The following DGKB variants were observed in gnomAD, a reference collection of about 807,000 sequenced individuals.
DGKB encodes diacylglycerol kinase beta, also known as 90 kDa diacylglycerol kinase.
In DGKB, 67 loss-of-function variants were observed where a neutral mutation model predicts 114.3. The observed-to-expected ratio is 0.59, with a 90% confidence interval of 0.48 to 0.72. The LOEUF (loss-of-function observed/expected upper bound fraction) is 0.72, where lower values mean the gene tolerates loss of function less well. Ranked by LOEUF, DGKB falls within the 30% of genes least tolerant of loss-of-function variation. DGKB has a pLI of 0.00. For missense variants in DGKB, 907 were observed against 975.2 expected (o/e 0.93, Z 0.93); for synonymous variants, 398 against 323.1 (o/e 1.23, Z -2.49).
chr7:14,674,696 A>G (rs1819556573), intron 12 of DGKB, among the ~76,000 whole-genome samples: 1 of 152,114 alleles, frequency 6.6e-6, no homozygotes. Context: ...GAATCTGGAC[A>G]GAGAGACAAC....
intron 25 of DGKB, among the ~76,000 whole-genome samples, chr7:14,154,953 T>A (rs1007580163): frequency 6.6e-6 from 1 of 152,026 alleles, no homozygotes; most frequent in Non-Finnish European, 1.5e-5. Flanking sequence ...AGTGTTTTAG[T>A]TCTCCAAATG....
intron 1 of DGKB, among the ~76,000 whole-genome samples, chr7:14,879,378 T>G (rs555659418): frequency 6.7e-6 from 1 of 149,574 alleles, no homozygotes; most frequent in Non-Finnish European, 1.5e-5. Flanking sequence ...TGAACGACTG[T>G]TTCTATCACT....
At chr7:14,387,194 T>C (rs1300192553) in intron 21 of DGKB, among the ~76,000 whole-genome samples, 5 of 151,872 alleles carry the variant, frequency 3.3e-5, no homozygotes, top group Non-Finnish European at 7.4e-5. Flanking sequence ...GAGGCCAAGT[T>C]GCGTGGATCA....
chr7:14,530,733 G>C (rs1049326062), intron 20 of DGKB, among the ~76,000 whole-genome samples: 1 of 151,506 alleles, frequency 6.6e-6, no homozygotes, highest in African/African-American at 2.4e-5. Flanking sequence ...AATAATTCAT[G>C]TAACTTACAA....
intron 23 of DGKB, among the ~76,000 whole-genome samples, chr7:14,260,348 C>A (rs188243875): frequency 6.6e-6 from 1 of 152,204 alleles, no homozygotes; most frequent in African/African-American, 2.4e-5. Context: ...TGGATTTTCC[C>A]AGGTGAAGAG....
chr7:14,608,795 C>A (rs553972164), intron 16 of DGKB, among the ~76,000 whole-genome samples: 1 of 151,780 alleles, frequency 6.6e-6, no homozygotes, highest in African/African-American at 2.4e-5. Context: ...AGAGTCAAGT[C>A]AAGAATACAA....
At chr7:14,545,512 G>A (rs768131071) in intron 20 of DGKB, among the ~76,000 whole-genome samples, 39 of 152,130 alleles carry the variant, frequency 2.6e-4, no homozygotes, top group Non-Finnish European at 5.3e-4. Context: ...CATGTATTAC[G>A]AGATGTCTAC....
At chr7:14,759,257 C>T (rs993129875) in intron 2 of DGKB, among the ~76,000 whole-genome samples, 5 of 152,114 alleles carry the variant, frequency 3.3e-5, no homozygotes, top group African/African-American at 7.2e-5. Context: ...AGATAAAATT[C>T]GTGTCACATA....
intron 23 of DGKB, among the ~76,000 whole-genome samples, chr7:14,278,229 C>T (rs1403665352): frequency 6.7e-6 from 1 of 148,356 alleles, no homozygotes; most frequent in Non-Finnish European, 1.5e-5. Flanking sequence ...ATCACATGCC[C>T]TGAGTTAAAA....
rs529612467 is a variant in DGKB, at chr7:14,279,217, G to T, written c.2122+59298C>A. 1.9e-3 allele frequency among the ~76,000 whole-genome samples: 280 copies of T among 147,006 alleles called. 1 individual carries two copies. Among genetic ancestry groups the T allele is most frequent in the African/African-American group, 7.4e-3 (271 of 36,442 alleles). On this transcript the variant is annotated intron_variant, in intron 23 of 25. Transcript: ENST00000402815. ...ACCACGAGATTATATCCCGCACGTG[G>T]CTCGGAGGGTCCTACCCCCACGGAG...
chr7:14,713,634 CT>C (rs34868404), intron 6 of DGKB, among the ~76,000 whole-genome samples: 57,624 of 144,094 alleles, frequency 0.4, 13,433 homozygotes, highest in East Asian at 0.86. Context: ...CTCTCTTGGT[CT>C]TTTTTTTTTT....
Position 14,682,751 on chromosome 7 carries a change from ACAT to A in DGKB, c.917_918+1del. 2 of 1,612,548 alleles carry A rather than the reference ACAT, an allele frequency of 1.2e-6. No individual in the cohort carries two copies. Among genetic ancestry groups the A allele is most frequent in the Non-Finnish European group, 1.7e-6 (2 of 1,178,878 alleles). ...AGAAAGCAAGCATGCACACAAACTT[ACAT>A]CAGTGTTCCTTTTGGACTTCACATA... On this transcript the variant is annotated splice_donor_variant and coding_sequence_variant, in exon 11 of 26. Transcript: ENST00000402815. LOFTEE classifies it high-confidence loss of function.
intron 13 of DGKB, among the ~76,000 whole-genome samples, chr7:14,634,135 G>A (rs1810275417): frequency 6.6e-6 from 1 of 150,838 alleles, no homozygotes; most frequent in South Asian, 2.1e-4. Flanking sequence ...ACCTACATAA[G>A]AACATTTATA....
At chr7:14,416,392 T>A (rs1306171214) in intron 21 of DGKB, among the ~76,000 whole-genome samples, 1 of 152,150 alleles carries the variant, frequency 6.6e-6, no homozygotes. Context: ...AAATGTATGC[T>A]GTTTAAAAAC....
At chr7:14,452,757 T>C (rs1438086398) in intron 21 of DGKB, among the ~76,000 whole-genome samples, 1 of 152,126 alleles carries the variant, frequency 6.6e-6, no homozygotes, top group Non-Finnish European at 1.5e-5. Flanking sequence ...AAATACCTTC[T>C]GAGAAATGCA....
At chr7:14,635,740 T>C (rs1368919539) in intron 13 of DGKB, among the ~76,000 whole-genome samples, 1 of 151,570 alleles carries the variant, frequency 6.6e-6, no homozygotes, top group Non-Finnish European at 1.5e-5. Flanking sequence ...CTGAGGGAAG[T>C]TGGTAACTTG....
intron 2 of DGKB, among the ~76,000 whole-genome samples, chr7:14,772,930 GC>G (rs1381289372): frequency 6.7e-6 from 1 of 150,098 alleles, no homozygotes; most frequent in Non-Finnish European, 1.5e-5. Flanking sequence ...ACATCTTCCA[GC>G]TTTCTCTTTT....
intron 15 of DGKB, among the ~76,000 whole-genome samples, chr7:14,614,730 T>C (rs1375240143): frequency 6.6e-6 from 1 of 152,128 alleles, no homozygotes; most frequent in Non-Finnish European, 1.5e-5. Context: ...TTGACTGAGA[T>C]ACTCGTAATT....
At chr7:14,870,550 C>A (rs976539506) in intron 1 of DGKB, among the ~76,000 whole-genome samples, 2 of 152,084 alleles carry the variant, frequency 1.3e-5, no homozygotes, top group Non-Finnish European at 2.9e-5. Context: ...GTAATCCCAG[C>A]ACTTTAGGAG....
Sources: allele counts gnomAD v4.1 joint callset (sites outside exome capture counted in the v4.1 genomes callset), GRCh38; gene constraint gnomAD v4.1.1; transcripts MANE v1.5; gene names NCBI Gene and HGNC (gene_info 2026-07-23, HGNC 2026-07-21).